RFPL1: variants seen among roughly 807,000 people sequenced by gnomAD.
RFPL1 encodes the protein ret finger protein like 1.
In RFPL1, 6 loss-of-function variants were observed where a neutral mutation model predicts 9.6. The observed-to-expected ratio is 0.62, with a 90% CI of 0.34 to 1.23. RFPL1 has a LOEUF of 1.23. Among genes scored for constraint, RFPL1 ranks in the 50% most tolerant of loss-of-function variants. The probability of loss-of-function intolerance (pLI) is 0.03; values close to 1 mark genes in which losing one functional copy is unlikely to be tolerated. For missense variants in RFPL1, 352 were observed against 398.4 expected, an observed-to-expected ratio of 0.88 and a Z score of 0.99; for synonymous variants, 145 against 149.4, an observed-to-expected ratio of 0.97 and a Z score of 0.22.
At chr22:29,396,401 C>T in the RFPL1 span, among the ~76,000 whole-genome samples, 2 of 152,174 alleles carry the variant, frequency 1.3e-5, no homozygotes, top group Non-Finnish European at 1.5e-5. Context: ...CACCAGATGC[C>T]GAGCAGATAT....
At chr22:29,438,977 G>A in exon 1 of RFPL1, 1 of 1,613,984 alleles carries the variant, frequency 6.2e-7, no homozygotes, top group Non-Finnish European at 8.5e-7. Context: ...TCTGCTTCAA[G>A]TGCATCAATT....
At chr22:29,419,225 C>T in the RFPL1 span, 1 of 1,555,736 alleles carries the variant, frequency 6.4e-7, no homozygotes, top group Non-Finnish European at 8.9e-7. Context: ...TCCTTCTTGT[C>T]ACTGTTGAGC....
the RFPL1 span, among the ~76,000 whole-genome samples, chr22:29,423,822 T>G: frequency 1.5e-3 from 225 of 152,328 alleles, no homozygotes; most frequent in Middle Eastern, 0.017. Flanking sequence ...CTAGAATCTA[T>G]AGCAGTTCCC....
the RFPL1 span, chr22:29,419,027 T>G: frequency 1.5e-6 from 1 of 678,550 alleles, no homozygotes; most frequent in South Asian, 1.7e-5. Flanking sequence ...GAAAGTTTTA[T>G]GAAGGGAGCT....
chr22:29,438,713 G>C, exon 1 of RFPL1: 1 of 1,560,176 alleles, frequency 6.4e-7, no homozygotes. Flanking sequence ...GAAGACGGGG[G>C]GTGGGGGGAT....
the RFPL1 span, among the ~76,000 whole-genome samples, chr22:29,415,459 A>G: frequency 1.3e-5 from 2 of 152,206 alleles, no homozygotes; most frequent in Non-Finnish European, 2.9e-5. Flanking sequence ...GAGGCATTGC[A>G]CCGGGGCAAA....
chr22:29,399,671 C>T, the RFPL1 span, among the ~76,000 whole-genome samples: 1 of 152,226 alleles, frequency 6.6e-6, no homozygotes, highest in Admixed American at 6.5e-5. Flanking sequence ...TACCCCTGCT[C>T]CTCTGCTTTT....
At chr22:29,403,635 G>A in the RFPL1 span, among the ~76,000 whole-genome samples, 1 of 152,100 alleles carries the variant, frequency 6.6e-6, no homozygotes, top group Admixed American at 6.6e-5. Flanking sequence ...CCTAAAAGTA[G>A]GTAATAAAGT....
chr22:29,405,932 A>G, the RFPL1 span, among the ~76,000 whole-genome samples: 2 of 150,768 alleles, frequency 1.3e-5, no homozygotes, highest in Admixed American at 1.3e-4. Flanking sequence ...ACAAGGTGAA[A>G]CCCCGTCTCT....
At chr22:29,410,432 A>AC in the RFPL1 span, among the ~76,000 whole-genome samples, 2 of 94,898 alleles carry the variant, frequency 2.1e-5, no homozygotes, top group South Asian at 2.8e-4. Context: ...TATATATTGT[A>AC]GATATATATA....
At chr22:29,436,411 T>G (rs1602915246), upstream of RFPL1, 2 of 149,286 alleles carry the variant, frequency 1.3e-5, no homozygotes, top group South Asian at 4.3e-4. Context: ...GCCAGAATGG[T>G]GAAATGCTGT....
At chr22:29,395,683 A>G in the RFPL1 span, among the ~76,000 whole-genome samples, 2 of 152,156 alleles carry the variant, frequency 1.3e-5, no homozygotes, top group African/African-American at 2.4e-5. Flanking sequence ...GAAAAAGCCC[A>G]GGCTCTCAGA....
At chr22:29,415,702 A>G in the RFPL1 span, among the ~76,000 whole-genome samples, 1 of 152,262 alleles carries the variant, frequency 6.6e-6, no homozygotes, top group Non-Finnish European at 1.5e-5. Flanking sequence ...CAAGAACAGA[A>G]CTAAGCTCCC....
the RFPL1 span, among the ~76,000 whole-genome samples, chr22:29,407,134 G>T: frequency 6.6e-6 from 1 of 150,870 alleles, no homozygotes; most frequent in Admixed American, 6.6e-5. Flanking sequence ...GGTCTCATTT[G>T]TCACCCAGGA....
chr22:29,391,350 G>A, the RFPL1 span, among the ~76,000 whole-genome samples: 4 of 152,204 alleles, frequency 2.6e-5, no homozygotes, highest in East Asian at 7.7e-4. Context: ...TCCTCTGTGT[G>A]CCTGGAATAA....
At chr22:29,442,017 T>C (rs748902143) in exon 2 of RFPL1, 1 of 1,614,154 alleles carries the variant, frequency 6.2e-7, no homozygotes, top group Non-Finnish European at 8.5e-7. Flanking sequence ...ACTTGTTTTT[T>C]GCTCCTCCAA....
chr22:29,418,055 T>C, the RFPL1 span, among the ~76,000 whole-genome samples: 17 of 151,122 alleles, frequency 1.1e-4, no homozygotes, highest in East Asian at 2.9e-3. Flanking sequence ...CTCAGCCTCC[T>C]GAGCAGCTGA....
At chr22:29,418,142 G>GC in the RFPL1 span, among the ~76,000 whole-genome samples, 13 of 151,912 alleles carry the variant, frequency 8.6e-5, no homozygotes, top group South Asian at 2.1e-4. Context: ...TCTTGGCCAG[G>GC]TGGTCTTGAA....
chr22:29,410,241 AG>A, the RFPL1 span, among the ~76,000 whole-genome samples: 12 of 132,806 alleles, frequency 9.0e-5, no homozygotes, highest in East Asian at 4.2e-4. Context: ...ATATATATAT[AG>A]TAGATATATA....
Sources: allele counts gnomAD v4.1 joint callset (sites outside exome capture counted in the v4.1 genomes callset), GRCh38; gene constraint gnomAD v4.1.1; transcripts MANE v1.5; gene names NCBI Gene and HGNC (gene_info 2026-07-23, HGNC 2026-07-21).